Variants in LHFPL3 observed in about 807,000 individuals in gnomAD.
LHFPL3 encodes the protein LHFPL tetraspan subfamily member 3 protein.
A neutral mutation model predicts 19.3 loss-of-function variants in LHFPL3; 5 were observed. The observed-to-expected ratio is 0.26, with a 90% confidence interval of 0.14 to 0.54. The LOEUF (loss-of-function observed/expected upper bound fraction) is 0.54. Among genes scored for constraint, LHFPL3 ranks in the 20% least tolerant of loss-of-function variants. LHFPL3 has a pLI of 0.94. For missense variants in LHFPL3, 249 were observed against 307.4 expected, an observed-to-expected ratio of 0.81 and a Z score of 1.42; for synonymous variants, 133 against 126.2, an observed-to-expected ratio of 1.05 and a Z score of -0.36.
At chr7:104,433,342 C>A (rs1344848372) in intron 1 of LHFPL3, among the ~76,000 whole-genome samples, 1 of 152,154 alleles carries the variant, frequency 6.6e-6, no homozygotes, top group Non-Finnish European at 1.5e-5. Flanking sequence ...TTTGACTTCA[C>A]AAATGCCCTG....
chr7:104,605,118 G>A lies in LHFPL3; in HGVS notation c.446-131557G>A, dbSNP rs76054873. 5.9e-5 allele frequency among the ~76,000 whole-genome samples: 9 copies of A among 152,252 alleles called. No homozygotes were observed. The South Asian group carries it at 1.7e-3, about 28-fold the overall frequency. On this transcript the variant is annotated intron_variant, in intron 1 of 2. Transcript: ENST00000424859. ...AAATACTCTGGTGATCTAGGTTTAT[G>A]TAGTCTAAACACAACAAATGTATTT...
chr7:104,472,061 C>G (rs1214340891), intron 1 of LHFPL3, among the ~76,000 whole-genome samples: 1 of 151,796 alleles, frequency 6.6e-6, no homozygotes, highest in African/African-American at 2.4e-5. Context: ...CCTGTAGTCT[C>G]AGCTACTCAG....
chr7:104,840,829 A>G (rs1483839398), intron 2 of LHFPL3, among the ~76,000 whole-genome samples: 1 of 152,174 alleles, frequency 6.6e-6, no homozygotes, highest in Admixed American at 6.5e-5. Flanking sequence ...GAACATTTTC[A>G]TGGTTTTTCT....
chr7:104,599,529 C>T (rs1029768567), intron 1 of LHFPL3, among the ~76,000 whole-genome samples: 17 of 152,296 alleles, frequency 1.1e-4, no homozygotes, highest in African/African-American at 4.1e-4. Context: ...AAGAACCCAT[C>T]ACATGTTTAT....
At chr7:104,429,691 C>G (rs1401031145) in intron 1 of LHFPL3, among the ~76,000 whole-genome samples, 1 of 152,086 alleles carries the variant, frequency 6.6e-6, no homozygotes, top group Non-Finnish European at 1.5e-5. Flanking sequence ...CAGTGCAACT[C>G]AGGCAAGCTA....
chr7:104,882,851 A>G (rs988623497), intron 2 of LHFPL3, among the ~76,000 whole-genome samples: 1 of 152,222 alleles, frequency 6.6e-6, no homozygotes, highest in Non-Finnish European at 1.5e-5. Flanking sequence ...CTAGTGGGAA[A>G]TAAATCCTGA....
At chr7:104,761,200 C>A (rs1173995241) in intron 2 of LHFPL3, among the ~76,000 whole-genome samples, 1 of 152,126 alleles carries the variant, frequency 6.6e-6, no homozygotes, top group Non-Finnish European at 1.5e-5. Flanking sequence ...CCGTCTAGGT[C>A]TCTTGACATC....
At chr7:104,416,748 T>C (rs1791630217) in intron 1 of LHFPL3, among the ~76,000 whole-genome samples, 3 of 152,258 alleles carry the variant, frequency 2.0e-5, no homozygotes, top group Admixed American at 1.3e-4. Context: ...TAGTCTGTTT[T>C]GTGCTGCTAC....
intron 1 of LHFPL3, among the ~76,000 whole-genome samples, chr7:104,657,889 T>C (rs1792148314): frequency 1.3e-5 from 2 of 152,244 alleles, no homozygotes; most frequent in Admixed American, 1.3e-4. Flanking sequence ...AACTGAATAA[T>C]ATCTCGTTTT....
At chr7:104,539,652 T>C (rs1794449556) in intron 1 of LHFPL3, among the ~76,000 whole-genome samples, 1 of 152,134 alleles carries the variant, frequency 6.6e-6, no homozygotes, top group African/African-American at 2.4e-5. Flanking sequence ...CAAATGCTGG[T>C]CCATAATGAA....
chr7:104,894,939 G>A (rs765268461), intron 2 of LHFPL3: 10 of 152,168 alleles, frequency 6.6e-5, no homozygotes, highest in African/African-American at 2.4e-4. Context: ...TCTTACACTT[G>A]AGTGTACATG....
intron 2 of LHFPL3, among the ~76,000 whole-genome samples, chr7:104,747,915 T>C (rs1164236073): frequency 6.6e-6 from 1 of 152,162 alleles, no homozygotes; most frequent in Admixed American, 6.5e-5. Flanking sequence ...AAATTGTATT[T>C]TTAGAGTGTG....
intron 2 of LHFPL3, among the ~76,000 whole-genome samples, chr7:104,898,777 GACACT>G (rs529208111): frequency 9.7e-4 from 147 of 152,104 alleles, no homozygotes; most frequent in African/African-American, 3.2e-3. Context: ...CTGTCATCTT[GACACT>G]ACACTCCAGC....
chr7:104,657,126 G>A (rs544381383), intron 1 of LHFPL3, among the ~76,000 whole-genome samples: 4 of 152,230 alleles, frequency 2.6e-5, no homozygotes, highest in South Asian at 2.1e-4. Flanking sequence ...CATGCTAAGC[G>A]GTCTTATAAG....
rs578064677 is a variant in LHFPL3 at position 104,563,951 on chromosome 7, C to G, written c.446-172724C>G. On this transcript the variant is annotated intron_variant, in intron 1 of 2. Coordinates refer to ENST00000424859, the MANE Select transcript of LHFPL3 (RefSeq NM_199000.3). ...AGCAAATGGAGTTGCATAAACTGATCTTTCTGCCATAGAAAATACCTAATA... is the reference window on the plus strand; with the variant it reads ...AGCAAATGGAGTTGCATAAACTGATGTTTCTGCCATAGAAAATACCTAATA... Among the ~76,000 whole-genome samples the G allele has an allele frequency of 2.6e-4, 40 of 152,302 alleles. No homozygotes were observed. In the South Asian group the frequency reaches 3.7e-3, roughly 14 times the overall value.
chr7:104,579,745 T>G (rs1584415000), intron 1 of LHFPL3, among the ~76,000 whole-genome samples: 1 of 152,276 alleles, frequency 6.6e-6, no homozygotes, highest in East Asian at 1.9e-4. Context: ...GCCCAACCCA[T>G]AATATTACCC....
In LHFPL3 at chr7:104,512,086, T is replaced by C. The variant is rs192032531; in HGVS notation, c.445+182862T>C. Among the ~76,000 whole-genome samples the C allele has an allele frequency of 1.7e-3, 256 of 150,902 alleles. 1 individual carries two copies. The highest frequency in any genetic ancestry group is 6.0e-3 in the African/African-American group (245 of 41,102). On this transcript the variant is annotated intron_variant, in intron 1 of 2. Transcript: ENST00000424859. ...TCTCATACCTCAGCCACCTGAAGAG[T>C]TGGGATTACAGGCACGCTCCACCAC...
chr7:104,674,159 A>AC (rs1792541832), intron 1 of LHFPL3, among the ~76,000 whole-genome samples: 1 of 150,396 alleles, frequency 6.6e-6, no homozygotes, highest in South Asian at 2.1e-4. Context: ...TAATTTCAGT[A>AC]CAAGCCATGT....
At chr7:104,849,123 G>A (rs1259578879) in intron 2 of LHFPL3, among the ~76,000 whole-genome samples, 1 of 152,142 alleles carries the variant, frequency 6.6e-6, no homozygotes, top group East Asian at 1.9e-4. Context: ...TAGAGTTGGG[G>A]TTTCACTGTG....
Sources: gnomAD v4.1 joint callset for allele counts (sites outside exome capture counted in the v4.1 genomes callset) on GRCh38, gnomAD v4.1.1 for gene constraint, MANE v1.5 for transcripts, NCBI Gene and HGNC (gene_info 2026-07-23, HGNC 2026-07-21) for gene names.